The following CUX1 variants were observed in gnomAD, a reference collection of about 807,000 sequenced individuals.
CUX1 encodes cut like homeobox 1, also known as protein CASP.
A neutral mutation model predicts 158.8 loss-of-function variants in CUX1; 31 were observed. That is an observed-to-expected ratio of 0.20 (90% confidence interval 0.15 to 0.26). The LOEUF (loss-of-function observed/expected upper bound fraction) is 0.26. CUX1 is among the 10% of genes least tolerant of loss of function. The pLI is 1.00. For missense variants in CUX1, 1,589 were observed against 2,014.6 expected (o/e 0.79, Z 4.04); for synonymous variants, 879 against 862.1 (o/e 1.02, Z -0.34).
chr7:102,027,972 C>G, intron 2 of CUX1, 126 bp from the exon 3 acceptor site: 1 of 883,132 alleles, frequency 1.1e-6, no homozygotes, highest in East Asian at 2.6e-5. Context: ...GGGTGAGGTC[C>G]CAGGCTTGCT....
At chr7:101,947,638 A>G (rs1473031287) in intron 2 of CUX1, among the ~76,000 whole-genome samples, 1 of 152,192 alleles carries the variant, frequency 6.6e-6, no homozygotes, top group Non-Finnish European at 1.5e-5. Context: ...GAAAAGAAAG[A>G]TTTATTTCCA....
chr7:102,164,731 G>A (rs1337068285), intron 9 of CUX1, among the ~76,000 whole-genome samples: 2 of 152,180 alleles, frequency 1.3e-5, no homozygotes, highest in African/African-American at 4.8e-5. Flanking sequence ...TCTGGGAGTC[G>A]AGATGTTCAC....
At chr7:101,974,164 T>A (rs1302108361) in intron 2 of CUX1, among the ~76,000 whole-genome samples, 2 of 151,418 alleles carry the variant, frequency 1.3e-5, no homozygotes, top group East Asian at 3.9e-4. Context: ...CTCCCTGGGC[T>A]CAAGTAATGC....
chr7:101,996,956 T>G (rs1206293592), intron 2 of CUX1, among the ~76,000 whole-genome samples: 3 of 144,048 alleles, frequency 2.1e-5, no homozygotes, highest in Non-Finnish European at 4.4e-5. Flanking sequence ...AGGGCAGCCC[T>G]TCTGGGAATC....
chr7:101,914,023 T>A (rs1803829374), intron 1 of CUX1, among the ~76,000 whole-genome samples: 1 of 151,832 alleles, frequency 6.6e-6, no homozygotes, highest in African/African-American at 2.4e-5. Context: ...CTTATCTGTA[T>A]CCCCCGTTCC....
intron 1 of CUX1, among the ~76,000 whole-genome samples, chr7:101,819,287 A>G (rs1434646089): frequency 6.6e-6 from 1 of 152,240 alleles, no homozygotes; most frequent in Non-Finnish European, 1.5e-5. Flanking sequence ...TTAAATACAT[A>G]TTTGAAAGGA....
Position 102,248,948 on chromosome 7 carries a change from C to G in CUX1, c.4424C>G (p.Pro1475Arg). The change falls in exon 24 of 24, where the codon CCC becomes CGC. Residue 1475 changes from proline to arginine, a missense_variant. Transcript: ENST00000292535. This position sits in a 1 kb window ranked among gnomAD's most constrained non-coding sequence, Gnocchi z 5.8. ...AAGARDSRDNPLRKKKAANLN... is the reference protein window; with the variant it reads ...AAGARDSRDNRLRKKKAANLN... ...GGCGCCCGGGACTCGCGCGACAACCCCCTGCGCAAGAAGAAGGCCGCGAAC... is the reference window on the plus strand; with the variant it reads ...GGCGCCCGGGACTCGCGCGACAACCGCCTGCGCAAGAAGAAGGCCGCGAAC... 1.3e-6 allele frequency: 2 copies of G among 1,487,732 alleles called. No homozygotes were observed. Among genetic ancestry groups the G allele is most frequent in the African/African-American group, 1.5e-5 (1 of 68,548 alleles). 92.2% of individuals were successfully genotyped at this position (1,487,732 alleles called of 1,614,324 possible). A position where few individuals can be genotyped will look rare whatever the true frequency, so the allele number is the denominator to read the frequency against.
intron 3 of CUX1, among the ~76,000 whole-genome samples, chr7:102,039,838 G>A (rs1324637980): frequency 1.3e-5 from 2 of 152,214 alleles, no homozygotes; most frequent in East Asian, 1.9e-4. Context: ...GATCTGCATC[G>A]TTGGAAGGAG....
intron 14 of CUX1, among the ~76,000 whole-genome samples, chr7:102,269,550 G>C (rs2960238): frequency 1 from 149,249 of 149,254 alleles, 74,622 homozygotes; most frequent in Non-Finnish European, 1. Context: ...GGATTACAGG[G>C]GTCCGCCACC....
chr7:102,066,662 G>A (rs1482025171), intron 3 of CUX1, among the ~76,000 whole-genome samples: 11 of 152,142 alleles, frequency 7.2e-5, no homozygotes, highest in African/African-American at 1.7e-4. Flanking sequence ...GCCATCAAGC[G>A]GTACGGACAG....
intron 8 of CUX1, among the ~76,000 whole-genome samples, chr7:102,129,574 C>T (rs1554496512): frequency 6.6e-6 from 1 of 152,154 alleles, no homozygotes; most frequent in Non-Finnish European, 1.5e-5. Flanking sequence ...ATCCCAGCTA[C>T]TCGGGAGGCT....
chr7:102,035,063 C>A, intron 3 of CUX1, among the ~76,000 whole-genome samples: 1 of 121,718 alleles, frequency 8.2e-6, no homozygotes. Flanking sequence ...TCATCAGACC[C>A]AGTGGTGGTA....
rs372723980 is a variant in CUX1 at position 102,047,355 on chromosome 7, T to C, written c.189+19210T>C. On this transcript the variant is annotated intron_variant, in intron 3 of 23. Coordinates refer to ENST00000292535, the MANE Select transcript of CUX1 (RefSeq NM_181552.4). ...GTTGATTGCATGGAGGGAGGGTGAA[T>C]AGGGGATAGATGGATGGATGATTGG... Among the ~76,000 whole-genome samples the C allele has an allele frequency of 7.4e-5, 11 of 149,276 alleles. No homozygotes were observed. In the South Asian group the frequency reaches 2.4e-3, roughly 32 times the overall value.
chr7:102,163,288 C>T (rs1199823901), intron 9 of CUX1, among the ~76,000 whole-genome samples: 1 of 151,692 alleles, frequency 6.6e-6, no homozygotes, highest in Admixed American at 6.6e-5. Flanking sequence ...GAGTTTGAGA[C>T]CAGCCTGGGC....
chr7:102,111,236 T>TG (rs1830849559), intron 6 of CUX1, among the ~76,000 whole-genome samples: 1 of 152,192 alleles, frequency 6.6e-6, no homozygotes, highest in South Asian at 2.1e-4. Context: ...GTATTGCAGT[T>TG]GCGTTTGCAT....
intron 17 of CUX1, among the ~76,000 whole-genome samples, chr7:102,277,556 C>T (rs1172378485): frequency 1.3e-5 from 2 of 151,284 alleles, no homozygotes; most frequent in Admixed American, 1.3e-4. Context: ...AGATTGATTG[C>T]GTCGTTGCAC....
intron 2 of CUX1, among the ~76,000 whole-genome samples, chr7:102,013,622 C>T (rs1156937544): frequency 1.3e-5 from 2 of 152,204 alleles, no homozygotes; most frequent in East Asian, 3.8e-4. Context: ...ACATATACAG[C>T]GTATTTTCTG....
At chr7:101,859,990 C>T (rs775642623) in intron 1 of CUX1, among the ~76,000 whole-genome samples, 1 of 142,384 alleles carries the variant, frequency 7.0e-6, no homozygotes, top group East Asian at 2.4e-4. Context: ...CTCCCTCCCT[C>T]CCTACCTTCC....
chr7:102,197,522 G>A lies in CUX1; in HGVS notation c.1894+217G>A, dbSNP rs567849856. Among the ~76,000 whole-genome samples the A allele has an allele frequency of 3.9e-5, 6 of 152,308 alleles. No individual in the cohort carries two copies. The South Asian group carries it at 8.3e-4, about 21-fold the overall frequency. On this transcript the variant is annotated intron_variant, in intron 15 of 23. Coordinates refer to ENST00000292535, the MANE Select transcript of CUX1 (RefSeq NM_181552.4). ...AGATCTGGCCTTTGAAACGCACTCA[G>A]CACTCCATACTTAGGAAACCCTATA...
Sources: allele counts gnomAD v4.1 joint callset (sites outside exome capture counted in the v4.1 genomes callset), GRCh38; gene constraint gnomAD v4.1.1; non-coding constraint Gnocchi (gnomAD v3.1); transcripts MANE v1.5; gene names NCBI Gene and HGNC (gene_info 2026-07-23, HGNC 2026-07-21).